The following LYRM1 variants were observed in gnomAD, a reference collection of about 807,000 sequenced individuals.
LYRM1 encodes LYR motif-containing protein 1.
A neutral mutation model predicts 14.9 loss-of-function variants in LYRM1; 14 were observed. The observed-to-expected ratio is 0.94, with a 90% CI of 0.62 to 1.47. LYRM1 has a LOEUF of 1.47. LYRM1 is among the 40% of genes most tolerant of loss of function. The probability of loss-of-function intolerance (pLI) is 0.00; values close to 1 mark genes in which losing one functional copy is unlikely to be tolerated. For missense variants in LYRM1, 153 were observed against 149.9 expected (o/e 1.02, Z -0.11); for synonymous variants, 43 against 56.2 (o/e 0.77, Z 1.05).
In LYRM1 at chr16:20,924,852, G is replaced by T. The variant is rs985178253; in HGVS notation, c.*736G>T. The T allele has an allele frequency of 2.0e-5, 3 of 152,148 alleles. No homozygotes were observed. Among genetic ancestry groups the T allele is most frequent in the Admixed American group, 6.5e-5 (1 of 15,270 alleles). 9.4% of individuals were successfully genotyped at this position (152,148 alleles called of 1,614,324 possible). A position where few individuals can be genotyped will look rare whatever the true frequency, so the allele number is the denominator to read the frequency against. On this transcript the variant is annotated 3_prime_UTR_variant, in exon 4 of 4. Transcript: ENST00000567954. ...TTTCAAATTATGTCTAAACAGAAATGGGACAAATAGACTTGAAAATAGAAG... is the reference window on the plus strand; with the variant it reads ...TTTCAAATTATGTCTAAACAGAAATTGGACAAATAGACTTGAAAATAGAAG...
chr16:20,906,375 A>C (rs918733689), intron 1 of LYRM1, among the ~76,000 whole-genome samples: 8 of 152,218 alleles, frequency 5.3e-5, no homozygotes, highest in Non-Finnish European at 1.2e-4. Context: ...CCATGATCTC[A>C]TTTGGGTGGA....
intron 1 of LYRM1, among the ~76,000 whole-genome samples, chr16:20,907,702 T>G (rs1457532472): frequency 6.6e-6 from 1 of 152,156 alleles, no homozygotes; most frequent in Non-Finnish European, 1.5e-5. Flanking sequence ...TCACATCCTT[T>G]GCTCCTGTTG....
intron 1 of LYRM1, among the ~76,000 whole-genome samples, chr16:20,912,931 T>A (rs1205049757): frequency 6.6e-6 from 1 of 151,910 alleles, no homozygotes; most frequent in Non-Finnish European, 1.5e-5. Context: ...CCAGGCGTGA[T>A]GGTGCGCACC....
chr16:20,907,004 A>G (rs2082354389), intron 1 of LYRM1, among the ~76,000 whole-genome samples: 1 of 152,132 alleles, frequency 6.6e-6, no homozygotes, highest in Non-Finnish European at 1.5e-5. Flanking sequence ...ATGAGTCCCC[A>G]TTACTGACTC....
At chr16:20,918,666 C>T (rs2083034274) in intron 2 of LYRM1, among the ~76,000 whole-genome samples, 1 of 152,138 alleles carries the variant, frequency 6.6e-6, no homozygotes, top group Admixed American at 6.5e-5. Context: ...AGGGCTTTTT[C>T]TTTCTTCCTA....
At chr16:20,916,243 TA>T (rs1239834392) in intron 2 of LYRM1, among the ~76,000 whole-genome samples, 1 of 151,956 alleles carries the variant, frequency 6.6e-6, no homozygotes, top group Non-Finnish European at 1.5e-5. Context: ...CAGAACTGGG[TA>T]AAATAGTGTC....
chr16:20,914,290 T>C lies in LYRM1; in HGVS notation c.1-1266T>C, dbSNP rs546253257. Among the ~76,000 whole-genome samples the C allele has an allele frequency of 3.6e-3, 531 of 149,160 alleles. 2 individuals carry two copies. Among genetic ancestry groups the C allele is most frequent in the African/African-American group, 0.012 (488 of 40,570 alleles). On this transcript the variant is annotated intron_variant, in intron 1 of 3. Coordinates refer to ENST00000567954, the MANE Select transcript of LYRM1 (RefSeq NM_001128302.3). ...GTACAGTCGTCACTTTTTTTTTTTT[T>C]TTTTTTTTTCTTTTTGGAGACGGAG... is the stretch of plus-strand genomic sequence containing the variant.
intron 1 of LYRM1, among the ~76,000 whole-genome samples, chr16:20,909,618 G>A (rs2082488253): frequency 6.6e-6 from 1 of 152,128 alleles, no homozygotes; most frequent in Non-Finnish European, 1.5e-5. Flanking sequence ...AGAGATAATT[G>A]ATAGTTTTAG....
At chr16:20,903,261 G>A (rs758318717) in intron 1 of LYRM1, among the ~76,000 whole-genome samples, 2 of 152,176 alleles carry the variant, frequency 1.3e-5, no homozygotes, top group African/African-American at 2.4e-5. Context: ...GACAACACCA[G>A]CCTGAAGTTC....
At chr16:20,917,591 C>G (rs568526725) in intron 2 of LYRM1, among the ~76,000 whole-genome samples, 26 of 151,966 alleles carry the variant, frequency 1.7e-4, no homozygotes, top group Non-Finnish European at 3.5e-4. Context: ...GAAACCCTGT[C>G]TACTAAAAAT....
chr16:20,910,642 C>T (rs774717039), intron 1 of LYRM1, among the ~76,000 whole-genome samples: 7 of 152,134 alleles, frequency 4.6e-5, no homozygotes, highest in Admixed American at 6.6e-5. Flanking sequence ...GTTGTTGTGG[C>T]GCACGCCTGA....
intron 2 of LYRM1, among the ~76,000 whole-genome samples, chr16:20,917,484 G>A (rs2082965488): frequency 6.6e-6 from 1 of 151,702 alleles, no homozygotes; most frequent in African/African-American, 2.4e-5. Flanking sequence ...GATTGGCCAG[G>A]TGTGGTGGCT....
chr16:20,908,189 G>A (rs1332400699), intron 1 of LYRM1, among the ~76,000 whole-genome samples: 1 of 152,220 alleles, frequency 6.6e-6, no homozygotes, highest in African/African-American at 2.4e-5. Context: ...AGCCTGCTTA[G>A]AGCATGCTGG....
intron 3 of LYRM1, chr16:20,920,528 T>C: frequency 3.2e-6 from 1 of 312,398 alleles, no homozygotes; most frequent in Middle Eastern, 9.2e-4. Flanking sequence ...GCAGGTTTGT[T>C]GTTACTAAAA....
At chr16:20,920,359 T>TGCTGC (rs2083127293) in intron 3 of LYRM1, 145 bp downstream of exon 3, 1 of 691,536 alleles carries the variant, frequency 1.4e-6, no homozygotes, top group African/African-American at 1.8e-5. Flanking sequence ...TATCATTGCA[T>TGCTGC]GCTGCCAGCC....
Position 20,904,031 on chromosome 16 carries a change from C to T in LYRM1, c.-1+3142C>T, listed in dbSNP as rs115934064. On this transcript the variant is annotated intron_variant, in intron 1 of 3. Coordinates refer to ENST00000567954, the MANE Select transcript of LYRM1 (RefSeq NM_001128302.3). Reference sequence around the variant, plus strand: ...CATTGGCCTTCAATTCCAGCCCCCCCACCACATCTCTTCCACTGCCTTCTA... The same window carrying T: ...CATTGGCCTTCAATTCCAGCCCCCCTACCACATCTCTTCCACTGCCTTCTA... Among the ~76,000 whole-genome samples, 556 of 152,162 alleles carry T rather than the reference C, an allele frequency of 3.7e-3. 3 individuals are homozygous for T. The highest frequency in any genetic ancestry group is 0.012 in the African/African-American group (513 of 41,502).
intron 2 of LYRM1, among the ~76,000 whole-genome samples, chr16:20,917,766 C>A (rs192647056): frequency 1.1e-3 from 162 of 151,924 alleles, no homozygotes; most frequent in African/African-American, 3.0e-3. Flanking sequence ...ACCAAAAAAA[C>A]CAAAAAAAGA....
rs1408630438 is a variant in LYRM1, at chr16:20,915,543, G to A, written c.1-13G>A. The A allele has an allele frequency of 6.2e-7, 1 of 1,608,182 alleles. No homozygotes were observed. The highest frequency in any genetic ancestry group is 8.5e-7 in the Non-Finnish European group (1 of 1,176,350). ...ATGCAAATTTTCCCTCTTCTATTTT[G>A]GTGGGTCTGAAGATGACAACGGCAA... On this transcript the variant is annotated splice_polypyrimidine_tract_variant and intron_variant, in intron 1 of 3. Transcript: ENST00000567954.
intron 1 of LYRM1, among the ~76,000 whole-genome samples, chr16:20,914,956 C>G (rs1193853761): frequency 6.6e-6 from 1 of 152,174 alleles, no homozygotes; most frequent in Admixed American, 6.5e-5. Context: ...TATAATTTTA[C>G]TGGACTGGCT....
Sources: gnomAD v4.1 joint callset for allele counts (sites outside exome capture counted in the v4.1 genomes callset) on GRCh38, gnomAD v4.1.1 for gene constraint, MANE v1.5 for transcripts, NCBI Gene and HGNC (gene_info 2026-07-23, HGNC 2026-07-21) for gene names.